The following DLGAP1 variants were observed in gnomAD, a reference collection of about 807,000 sequenced individuals.
DLGAP1 encodes the protein DLG associated protein 1.
A neutral mutation model predicts 90.8 loss-of-function variants in DLGAP1; 11 were observed. The observed-to-expected ratio is 0.12, with a 90% CI of 0.08 to 0.20. The LOEUF is 0.20. Ranked by LOEUF, DLGAP1 falls within the 10% of genes least tolerant of loss-of-function variation. The pLI, the probability that DLGAP1 is intolerant of heterozygous loss-of-function variation, is 1.00. For missense variants in DLGAP1, 1,050 were observed against 1,333.8 expected, an observed-to-expected ratio of 0.79 and a Z score of 3.31; for synonymous variants, 558 against 540.7, an observed-to-expected ratio of 1.03 and a Z score of -0.44.
intron 7 of DLGAP1, among the ~76,000 whole-genome samples, chr18:3,702,661 T>G (rs1462623145): frequency 6.6e-6 from 1 of 152,166 alleles, no homozygotes; most frequent in Non-Finnish European, 1.5e-5. Context: ...GTAGCTGGCA[T>G]CTTAGCAAAT....
At chr18:3,829,130 A>G (rs1390293817) in intron 4 of DLGAP1, among the ~76,000 whole-genome samples, 1 of 152,242 alleles carries the variant, frequency 6.6e-6, no homozygotes, top group African/African-American at 2.4e-5. Flanking sequence ...CCTGAGTTCA[A>G]ATCTGACTCT....
chr18:3,903,058 C>T (rs953531779), intron 3 of DLGAP1, among the ~76,000 whole-genome samples: 1 of 152,196 alleles, frequency 6.6e-6, no homozygotes, highest in Non-Finnish European at 1.5e-5. Context: ...TTAAGATATT[C>T]CTTTAGCGCC....
intron 7 of DLGAP1, chr18:3,722,437 G>C (rs1175384912): frequency 6.6e-6 from 1 of 152,180 alleles, no homozygotes; most frequent in Non-Finnish European, 1.5e-5. Flanking sequence ...AATCATCACT[G>C]TCAGTTTCCT....
At chr18:3,747,297 C>A (rs555602136) in intron 5 of DLGAP1, among the ~76,000 whole-genome samples, 27 of 152,226 alleles carry the variant, frequency 1.8e-4, no homozygotes, top group African/African-American at 5.8e-4. Flanking sequence ...TAATATTTTC[C>A]ATGTGTTACG....
intron 2 of DLGAP1, among the ~76,000 whole-genome samples, chr18:4,063,249 A>G (rs1278103244): frequency 6.6e-6 from 1 of 152,080 alleles, no homozygotes; most frequent in East Asian, 1.9e-4. Flanking sequence ...TTCTCCTATC[A>G]ATATATTCAA....
At chr18:3,555,694 T>C (rs1220170077) in intron 9 of DLGAP1, among the ~76,000 whole-genome samples, 2 of 151,882 alleles carry the variant, frequency 1.3e-5, no homozygotes, top group Non-Finnish European at 2.9e-5. Context: ...CCTATAATCC[T>C]AGCTACTTAG....
chr18:3,715,647 T>G (rs1203825726), intron 7 of DLGAP1, among the ~76,000 whole-genome samples: 1 of 152,202 alleles, frequency 6.6e-6, no homozygotes. Context: ...TTTACACTAT[T>G]ATATTAGGTC....
Position 3,970,517 on chromosome 18 carries a change from A to T in DLGAP1, c.-73+34599T>A, listed in dbSNP as rs186089427. On this transcript the variant is annotated intron_variant, in intron 3 of 12. Coordinates refer to ENST00000315677, the MANE Select transcript of DLGAP1 (RefSeq NM_004746.4). ...AACAAATGTGAGTGCTACAAATTAC[A>T]GCAAATATATAATAGAAATGTGTGG... Among the ~76,000 whole-genome samples, 1,463 of 152,350 alleles carry T rather than the reference A, an allele frequency of 9.6e-3. 11 individuals are homozygous for T. Among genetic ancestry groups the T allele is most frequent in the Non-Finnish European group, 0.015 (1,016 of 68,036 alleles).
At chr18:4,367,449 T>C (rs970872268) in intron 1 of DLGAP1, among the ~76,000 whole-genome samples, 1 of 152,106 alleles carries the variant, frequency 6.6e-6, no homozygotes, top group African/African-American at 2.4e-5. Flanking sequence ...CAAAACTTCC[T>C]AGCTGAATTC....
chr18:4,032,562 C>A (rs1416679772), intron 2 of DLGAP1, among the ~76,000 whole-genome samples: 1 of 149,892 alleles, frequency 6.7e-6, no homozygotes, highest in Non-Finnish European at 1.5e-5. Flanking sequence ...AAAGAGGAAA[C>A]CTCTCTCCAA....
At chr18:3,910,060 A>AT (rs1315007492) in intron 3 of DLGAP1, among the ~76,000 whole-genome samples, 5 of 151,010 alleles carry the variant, frequency 3.3e-5, no homozygotes, top group African/African-American at 4.9e-5. Context: ...ATCATTTGCC[A>AT]TTTTTTTCAT....
Position 3,859,799 on chromosome 18 carries a change from G to A in DLGAP1, c.957+19313C>T, listed in dbSNP as rs140531635. ...GGACTTGTAACCTGCAGAACTGTACGATAATAAATTTGCGTTGTGGGCCAG... is the reference window on the plus strand; with the variant it reads ...GGACTTGTAACCTGCAGAACTGTACAATAATAAATTTGCGTTGTGGGCCAG... On this transcript the variant is annotated intron_variant, in intron 4 of 12. Transcript: ENST00000315677. Among the ~76,000 whole-genome samples the A allele has an allele frequency of 9.5e-3, 1,442 of 152,188 alleles. 11 individuals carry two copies. The highest frequency in any genetic ancestry group is 0.014 in the Non-Finnish European group (951 of 68,006).
intron 2 of DLGAP1, among the ~76,000 whole-genome samples, chr18:4,049,932 AT>A (rs2075109151): frequency 1.3e-5 from 2 of 150,836 alleles, no homozygotes; most frequent in Non-Finnish European, 3.0e-5. Context: ...CCATCCATCC[AT>A]CCATCCATCC....
At chr18:3,564,723 A>G (rs1161889288) in intron 9 of DLGAP1, among the ~76,000 whole-genome samples, 1 of 152,130 alleles carries the variant, frequency 6.6e-6, no homozygotes, top group East Asian at 1.9e-4. Flanking sequence ...TTCTTCAGTT[A>G]CTGCTTACGT....
chr18:3,567,559 T>G lies in DLGAP1; in HGVS notation c.1988A>C (p.Asp663Ala). 1 of 1,614,038 alleles carries G rather than the reference T, an allele frequency of 6.2e-7. No homozygotes were observed. The highest frequency in any genetic ancestry group is 8.5e-7 in the Non-Finnish European group (1 of 1,179,954). The change falls in exon 9 of 13, where the codon GAC becomes GCC. Residue 663 changes from aspartate (D) to alanine (A), a missense_variant. Around this residue, in one of 2 missense-constraint regions of DLGAP1, gnomAD observed 565 missense variants for 879.7 expected, o/e 0.64. Coordinates refer to ENST00000315677, the MANE Select transcript of DLGAP1 (RefSeq NM_004746.4). Reference sequence around the variant, plus strand: ...GGGTGCTTTATTCTCCCCTGTTTTGTCAGGTTCTTCAGCATCATCCACCTG... The same window carrying G: ...GGGTGCTTTATTCTCCCCTGTTTTGGCAGGTTCTTCAGCATCATCCACCTG... ...GIQVDDAEEPDKTGENKAPSK... is the reference protein window; with the variant it reads ...GIQVDDAEEPAKTGENKAPSK...
chr18:4,100,564 C>T (rs751127927), intron 2 of DLGAP1, among the ~76,000 whole-genome samples: 7 of 152,152 alleles, frequency 4.6e-5, no homozygotes, highest in Non-Finnish European at 8.8e-5. Context: ...CTGCATTAGC[C>T]CCTAACAAGA....
At chr18:3,855,761 G>A (rs1311461077) in intron 4 of DLGAP1, among the ~76,000 whole-genome samples, 3 of 151,956 alleles carry the variant, frequency 2.0e-5, no homozygotes, top group African/African-American at 4.8e-5. Flanking sequence ...CTACAGACGC[G>A]TGCCACCACA....
intron 1 of DLGAP1, among the ~76,000 whole-genome samples, chr18:4,344,309 AAAGTT>A (rs2081262555): frequency 6.6e-6 from 1 of 152,216 alleles, no homozygotes; most frequent in African/African-American, 2.4e-5. Context: ...GAGATTGAGA[AAAGTT>A]AGGTAATTTG....
intron 5 of DLGAP1, among the ~76,000 whole-genome samples, chr18:3,791,067 A>G (rs940605834): frequency 6.6e-6 from 1 of 152,200 alleles, no homozygotes; most frequent in African/African-American, 2.4e-5. Context: ...CCTAGATGGT[A>G]CACCATGGAC....
Sources: allele counts gnomAD v4.1 joint callset (sites outside exome capture counted in the v4.1 genomes callset), GRCh38; gene constraint gnomAD v4.1.1; regional missense constraint gnomAD v4.1.1; transcripts MANE v1.5; gene names NCBI Gene and HGNC (gene_info 2026-07-23, HGNC 2026-07-21).